Variants in MYO3B observed in about 807,000 individuals in gnomAD.
MYO3B encodes myosin-IIIb.
Under a neutral mutation model 174.6 loss-of-function variants are expected in MYO3B, and 156 were observed. That is an observed-to-expected ratio of 0.89 (90% CI 0.78 to 1.02). MYO3B has a LOEUF of 1.02. MYO3B is among the 50% of genes least tolerant of loss of function. The pLI is 0.00. For synonymous variants in MYO3B, 563 were observed against 569.1 expected, an observed-to-expected ratio of 0.99 and a Z score of 0.15; for missense variants, 1,632 against 1,639.4, an observed-to-expected ratio of 1.00 and a Z score of 0.08.
chr2:170,377,485 T>A (rs2094303235), intron 9 of MYO3B, among the ~76,000 whole-genome samples: 1 of 152,186 alleles, frequency 6.6e-6, no homozygotes, highest in African/African-American at 2.4e-5. Flanking sequence ...TTCCTTGGAC[T>A]TGATGGTACA....
At chr2:170,427,664 G>A (rs999510479) in intron 22 of MYO3B, among the ~76,000 whole-genome samples, 11 of 152,014 alleles carry the variant, frequency 7.2e-5, no homozygotes, top group African/African-American at 2.7e-4. Context: ...CTTATTTTCT[G>A]GATTCTTAAG....
At chr2:170,520,143 A>G (rs1321961362) in intron 30 of MYO3B, among the ~76,000 whole-genome samples, 1 of 152,114 alleles carries the variant, frequency 6.6e-6, no homozygotes, top group Non-Finnish European at 1.5e-5. Flanking sequence ...GTCTGAAGAC[A>G]TTTTTGTTTG....
intron 16 of MYO3B, among the ~76,000 whole-genome samples, chr2:170,397,702 A>C (rs2105783869): frequency 6.6e-6 from 1 of 152,118 alleles, no homozygotes; most frequent in South Asian, 2.1e-4. Flanking sequence ...AATTCACTCA[A>C]TTCTGACCCT....
chr2:170,645,393 A>T (rs921294737), intron 32 of MYO3B, among the ~76,000 whole-genome samples: 1 of 143,934 alleles, frequency 6.9e-6, no homozygotes, highest in African/African-American at 2.6e-5. Flanking sequence ...AATCGCTTGA[A>T]CCCCGGTGGA....
intron 30 of MYO3B, among the ~76,000 whole-genome samples, chr2:170,537,115 C>T (rs528660063): frequency 4.7e-5 from 7 of 148,372 alleles, no homozygotes; most frequent in South Asian, 2.1e-4. Flanking sequence ...GCAGGAGAAT[C>T]GCTTGAACCT....
intron 7 of MYO3B, among the ~76,000 whole-genome samples, chr2:170,243,016 G>C (rs767294188): frequency 6.6e-6 from 1 of 152,160 alleles, no homozygotes; most frequent in Non-Finnish European, 1.5e-5. Flanking sequence ...CTAAAGGAAG[G>C]TTCTTCACAG....
chr2:170,472,941 T>C (rs1685067091), intron 25 of MYO3B, among the ~76,000 whole-genome samples: 2 of 151,736 alleles, frequency 1.3e-5, no homozygotes, highest in Non-Finnish European at 2.9e-5. Context: ...GCTCGAGCAA[T>C]CTGTCTGCCT....
chr2:170,424,126 T>C (rs540408795), intron 22 of MYO3B, among the ~76,000 whole-genome samples: 1 of 152,274 alleles, frequency 6.6e-6, no homozygotes, highest in South Asian at 2.1e-4. Flanking sequence ...GTACCAGACA[T>C]CCAAAATCAG....
chr2:170,390,254 C>T (rs1376007360), intron 14 of MYO3B, among the ~76,000 whole-genome samples: 1 of 152,144 alleles, frequency 6.6e-6, no homozygotes, highest in African/African-American at 2.4e-5. Context: ...CATAGTGAGA[C>T]TCTGTCTCTA....
intron 9 of MYO3B, among the ~76,000 whole-genome samples, chr2:170,377,350 G>T (rs1241933158): frequency 6.6e-6 from 1 of 152,216 alleles, no homozygotes; most frequent in African/African-American, 2.4e-5. Flanking sequence ...CTGGGCCAAA[G>T]ATTTGAACAA....
intron 29 of MYO3B, among the ~76,000 whole-genome samples, chr2:170,517,454 T>C (rs908035680): frequency 3.9e-5 from 6 of 152,178 alleles, no homozygotes; most frequent in African/African-American, 1.4e-4. Flanking sequence ...TTTACAGTTT[T>C]TTTTTTCTAG....
At chr2:170,341,669 C>G (rs1292193231) in intron 8 of MYO3B, among the ~76,000 whole-genome samples, 1 of 152,108 alleles carries the variant, frequency 6.6e-6, no homozygotes, top group Non-Finnish European at 1.5e-5. Context: ...TAACCCCCCC[C>G]AAATTATCCA....
intron 22 of MYO3B, among the ~76,000 whole-genome samples, chr2:170,438,445 A>C (rs1574978704): frequency 6.6e-6 from 1 of 152,138 alleles, no homozygotes; most frequent in African/African-American, 2.4e-5. Context: ...GTAAATACTC[A>C]GAAGAGGGAT....
At chr2:170,643,125 T>C (rs950934392) in intron 32 of MYO3B, among the ~76,000 whole-genome samples, 2 of 152,230 alleles carry the variant, frequency 1.3e-5, no homozygotes, top group African/African-American at 4.8e-5. Context: ...ATACTCTCAG[T>C]TGGACTTCAA....
At chr2:170,393,432 T>TA (rs1212409544) in intron 16 of MYO3B, among the ~76,000 whole-genome samples, 2 of 152,082 alleles carry the variant, frequency 1.3e-5, no homozygotes, top group African/African-American at 4.8e-5. Context: ...CTGTATTAAA[T>TA]ATATGCTAGG....
intron 21 of MYO3B, 94 bp from the exon 22 acceptor site, chr2:170,407,621 A>G: frequency 7.0e-7 from 1 of 1,420,426 alleles, no homozygotes; most frequent in Non-Finnish European, 9.9e-7. Context: ...AGTTCTATAT[A>G]GAGGTTGATT....
chr2:170,554,316 T>G (rs896361318), intron 32 of MYO3B, among the ~76,000 whole-genome samples: 2 of 152,204 alleles, frequency 1.3e-5, no homozygotes, highest in African/African-American at 4.8e-5. Flanking sequence ...AGTGCCCCAT[T>G]TCCCTTGAAA....
chr2:170,196,355 C>T (rs1021184442), intron 1 of MYO3B, among the ~76,000 whole-genome samples: 6 of 152,090 alleles, frequency 3.9e-5, no homozygotes, highest in African/African-American at 1.4e-4. Context: ...CTCCACCCCA[C>T]CAAAAAAATT....
intron 7 of MYO3B, among the ~76,000 whole-genome samples, chr2:170,263,930 G>T (rs372857986): frequency 6.6e-6 from 1 of 152,104 alleles, no homozygotes; most frequent in African/African-American, 2.4e-5. Flanking sequence ...TATCACATGT[G>T]GGGGAAACCT....
Sources: gnomAD v4.1 joint callset for allele counts (sites outside exome capture counted in the v4.1 genomes callset) on GRCh38, gnomAD v4.1.1 for gene constraint, MANE v1.5 for transcripts, NCBI Gene and HGNC (gene_info 2026-07-23, HGNC 2026-07-21) for gene names.